The following LRRC57 variants were observed in gnomAD, a reference collection of about 807,000 sequenced individuals.
LRRC57 encodes the protein leucine-rich repeat-containing protein 57.
LRRC57 carries 14 observed loss-of-function variants against 23.1 expected under a neutral mutation model. The ratio of observed to expected loss-of-function variants is 0.61; its 90% CI spans 0.40 to 0.95. The LOEUF (loss-of-function observed/expected upper bound fraction) is 0.95, where lower values mean the gene tolerates loss of function less well. LRRC57 is among the 40% of genes least tolerant of loss of function. LRRC57 has a pLI of 0.00. For missense variants in LRRC57, 236 were observed against 284.4 expected, an observed-to-expected ratio of 0.83 and a Z score of 1.22; for synonymous variants, 106 against 115.2, an observed-to-expected ratio of 0.92 and a Z score of 0.51.
At chr15:42,546,990 T>G (rs1421496842) in intron 4 of LRRC57, among the ~76,000 whole-genome samples, 1 of 152,224 alleles carries the variant, frequency 6.6e-6, no homozygotes, top group African/African-American at 2.4e-5. Context: ...CTTCAAGATT[T>G]GTGAGACAGT....
downstream of LRRC57, among the ~76,000 whole-genome samples, chr15:42,535,849 A>G (rs1285416426): frequency 6.6e-6 from 1 of 152,212 alleles, no homozygotes; most frequent in Non-Finnish European, 1.5e-5. Flanking sequence ...GAGCAGTCAG[A>G]ACACACATTT....
At chr15:42,529,880 C>T in the LRRC57 span, 792 of 1,560,992 alleles carry the variant, frequency 5.1e-4, 2 homozygotes, top group African/African-American at 9.4e-3. Flanking sequence ...CAGTAATAGA[C>T]ATCTGTGCTA....
rs750223718 is a variant in LRRC57, at chr15:42,548,212, A to G, written c.117T>C (p.Asn39=). The G allele has an allele frequency of 1.2e-6, 2 of 1,614,068 alleles. No individual in the cohort carries two copies. The highest frequency in any genetic ancestry group is 2.7e-5 in the African/African-American group (2 of 74,914). The change falls in exon 3 of 6, where the codon AAT becomes AAC. Residue 39 remains asparagine (N), a synonymous_variant. Coordinates refer to ENST00000397130, the MANE Select transcript of LRRC57 (RefSeq NM_153260.3). ...TGTTGGACAAGTCGATGGTCCTGAG[A>G]TTGCTCGTCAGCTTCTGCAAGTCTG... ...FPADLQKLTS[N]LRTIDLSNNK...
chr15:42,548,195 A>C lies in LRRC57; in HGVS notation c.134T>G (p.Leu45Trp). The change falls in exon 3 of 6, where the codon TTG (leucine) becomes TGG (tryptophan). Residue 45 changes from leucine to tryptophan, a missense_variant. Coordinates refer to ENST00000397130, the MANE Select transcript of LRRC57 (RefSeq NM_153260.3). ...KLTSNLRTID[L>W]SNNKIESLPP... ...TAGGCTTTCGATCTTGTTGTTGGACAAGTCGATGGTCCTGAGATTGCTCGT... is the reference window on the plus strand; with the variant it reads ...TAGGCTTTCGATCTTGTTGTTGGACCAGTCGATGGTCCTGAGATTGCTCGT... 6.2e-7 allele frequency: 1 copy of C among 1,614,226 alleles called. No individual in the cohort carries two copies. Among genetic ancestry groups the C allele is most frequent in the Non-Finnish European group, 8.5e-7 (1 of 1,180,046 alleles).
In LRRC57 at chr15:42,548,396, C is replaced by T; in HGVS notation, c.39G>A (p.Ala13=). Residue 13 remains alanine, a synonymous_variant, in exon 2 of 6, where the codon GCG becomes GCA. Transcript: ENST00000397130. ...NSALRAHVET[A]QKTGVFQLKD... is the part of the protein sequence containing the mutation. The stretch of plus-strand genomic sequence containing the variant: ...TAAGCTGAAAGACACCAGTTTTCTG[C>T]GCCGTTTCCACATGAGCGCGGAGCG... 6.2e-7 allele frequency: 1 copy of T among 1,614,184 alleles called. No individual in the cohort carries two copies. Among genetic ancestry groups the T allele is most frequent in the Admixed American group, 1.7e-5 (1 of 60,030 alleles).
the LRRC57 span, among the ~76,000 whole-genome samples, chr15:42,531,013 T>C: frequency 6.6e-6 from 1 of 152,188 alleles, no homozygotes; most frequent in African/African-American, 2.4e-5. Flanking sequence ...ACTTAGGGTG[T>C]CTGAATCCAG....
downstream of LRRC57, among the ~76,000 whole-genome samples, chr15:42,537,385 G>A (rs1318042259): frequency 6.6e-6 from 1 of 152,158 alleles, no homozygotes. Context: ...ATTATCAAAA[G>A]TGAGAAAATG....
rs2057623232 is a variant in LRRC57 at position 42,540,504 on chromosome 15, T to C, written c.*3579A>G. Reference sequence around the variant, plus strand: ...CATGGACTTGGTATCCATGGAGGTATTGAAACCAATCCTCCATGGACACTG... The same window carrying C: ...CATGGACTTGGTATCCATGGAGGTACTGAAACCAATCCTCCATGGACACTG... On this transcript the variant is annotated 3_prime_UTR_variant, in exon 6 of 6. Transcript: ENST00000397130. The C allele has an allele frequency of 6.6e-6, 1 of 152,064 alleles. No homozygotes were observed. Among genetic ancestry groups the C allele is most frequent in the African/African-American group, 2.4e-5 (1 of 41,398 alleles). 9.4% of individuals were successfully genotyped at this position (152,064 alleles called of 1,614,324 possible).
downstream of LRRC57, among the ~76,000 whole-genome samples, chr15:42,536,395 G>C (rs527798145): frequency 2.0e-5 from 3 of 152,208 alleles, no homozygotes; most frequent in Non-Finnish European, 4.4e-5. Context: ...ACTTAGAACA[G>C]TTCCTGGCTA....
chr15:42,546,339 T>A (rs1055006536), intron 4 of LRRC57, among the ~76,000 whole-genome samples: 2 of 152,174 alleles, frequency 1.3e-5, no homozygotes, highest in Non-Finnish European at 2.9e-5. Flanking sequence ...ATAAAGGTAC[T>A]GGCAGAGGTG....
At chr15:42,548,477 T>C (rs753554757) in intron 1 of LRRC57, 21 bp from the exon 2 acceptor site, 3 of 1,601,222 alleles carry the variant, frequency 1.9e-6, no homozygotes, top group Non-Finnish European at 1.7e-6. Context: ...GAAGCGCTGC[T>C]GTCACCGCCC....
chr15:42,547,584 T>C (rs2057666709), intron 3 of LRRC57, 55 bp from the exon 4 acceptor site: 4 of 1,511,364 alleles, frequency 2.6e-6, no homozygotes, highest in Non-Finnish European at 3.6e-6. Context: ...AAAACAACTT[T>C]GATGAAGTTT....
chr15:42,548,733 C>G lies in LRRC57; in HGVS notation c.-63G>C. On this transcript the variant is annotated 5_prime_UTR_variant, in exon 1 of 6. Transcript: ENST00000397130. ...TGCCGTAAGGCTCCGCAGGTGAAGA[C>G]CCAGGACCCGCAGTAGCCGGGATGC... 1 of 670,506 alleles carries G rather than the reference C, an allele frequency of 1.5e-6. No individual in the cohort carries two copies. The highest frequency in any genetic ancestry group is 2.5e-6 in the Non-Finnish European group (1 of 397,964). 41.5% of individuals were successfully genotyped at this position (670,506 alleles called of 1,614,324 possible).
At chr15:42,531,493 T>C in the LRRC57 span, 1 of 1,585,784 alleles carries the variant, frequency 6.3e-7, no homozygotes, top group Non-Finnish European at 8.6e-7. Context: ...ACTGCTGTTC[T>C]TCTTTATCAT....
At position 42,542,484 on chromosome 15, in the gene LRRC57, C is replaced by T. The variant is rs907948407; in HGVS notation, c.*1599G>A. ...ATTTATAGGTTTAAGTTCTCCTGTC[C>T]TCCTCCTTTAAAGGATTAACCTTGC... is the stretch of plus-strand genomic sequence containing the variant. On this transcript the variant is annotated 3_prime_UTR_variant, in exon 6 of 6. Transcript: ENST00000397130. 3 of 152,414 alleles carry T rather than the reference C, an allele frequency of 2.0e-5. No individual in the cohort carries two copies. The highest frequency in any genetic ancestry group is 2.9e-5 in the Non-Finnish European group (2 of 68,022). The allele number at this position is 152,414 out of a possible 1,614,324, so 9.4% of individuals were successfully genotyped here.
intron 5 of LRRC57, among the ~76,000 whole-genome samples, chr15:42,544,757 C>T (rs1485396396): frequency 6.7e-6 from 1 of 148,672 alleles, no homozygotes; most frequent in Non-Finnish European, 1.5e-5. Context: ...AAGGCTGCGC[C>T]AGTGAGCTGA....
At position 42,538,442 on chromosome 15, in the gene LRRC57, G is replaced by A. The variant is rs369053903; in HGVS notation, c.*5641C>T. ...CAGCCTATTTTTTATTATTTTTTTG[G>A]AGCCACAATCTCACATTGTTGTCCA... On this transcript the variant is annotated 3_prime_UTR_variant, in exon 6 of 6. Coordinates refer to ENST00000397130, the MANE Select transcript of LRRC57 (RefSeq NM_153260.3). The A allele has an allele frequency of 6.6e-6, 1 of 151,812 alleles. No individual in the cohort carries two copies. The highest frequency in any genetic ancestry group is 6.6e-5 in the Admixed American group (1 of 15,210). The allele number at this position is 151,812 out of a possible 1,614,324, so 9.4% of individuals were successfully genotyped here.
the LRRC57 span, among the ~76,000 whole-genome samples, chr15:42,528,573 T>C: frequency 1.3e-5 from 2 of 151,968 alleles, no homozygotes; most frequent in African/African-American, 4.8e-5. Flanking sequence ...ACTGACAAAA[T>C]GTGGGTTTTT....
At position 42,547,323 on chromosome 15, in the gene LRRC57, G is replaced by C. The variant is rs767298963; in HGVS notation, c.430C>G (p.Arg144Gly). The change falls in exon 4 of 6, where the codon CGA becomes GGA. Residue 144 changes from arginine (R) to glycine (G), a missense_variant. Physicochemically the swap from Arg to Gly is moderately radical, Grantham distance 125. Coordinates refer to ENST00000397130, the MANE Select transcript of LRRC57 (RefSeq NM_153260.3). ...TCTCCCACTGAGTCAGGTATACTTC[G>C]AATCTGGTTCTTAGAGAGATCCATC... Reference protein sequence around the residue: ...DVMDLSKNQIRSIPDSVGELQ... With the variant: ...DVMDLSKNQIGSIPDSVGELQ... 2.5e-6 allele frequency: 4 copies of C among 1,614,116 alleles called. No homozygotes were observed. Among genetic ancestry groups the C allele is most frequent in the South Asian group, 1.1e-5 (1 of 91,060 alleles).
Sources: gnomAD v4.1 joint callset for allele counts (sites outside exome capture counted in the v4.1 genomes callset) on GRCh38, gnomAD v4.1.1 for gene constraint, MANE v1.5 for transcripts, NCBI Gene and HGNC (gene_info 2026-07-23, HGNC 2026-07-21) for gene names.